Variants in BMERB1 observed in about 807,000 individuals in gnomAD.
BMERB1 encodes bMERB domain containing 1.
A neutral mutation model predicts 23.6 loss-of-function variants in BMERB1; 12 were observed. That is an observed-to-expected ratio of 0.51 (90% CI 0.33 to 0.82). The LOEUF (loss-of-function observed/expected upper bound fraction) is 0.82, where lower values mean the gene tolerates loss of function less well. Ranked by LOEUF, BMERB1 falls within the 40% of genes least tolerant of loss-of-function variation. The pLI, the probability that BMERB1 is intolerant of heterozygous loss-of-function variation, is 0.03. For missense variants in BMERB1, 247 were observed against 255.4 expected (o/e 0.97, Z 0.22); for synonymous variants, 122 against 96.6 (o/e 1.26, Z -1.54).
chr16:15,519,252 G>A (rs980875570), intron 2 of BMERB1, among the ~76,000 whole-genome samples: 40 of 152,108 alleles, frequency 2.6e-4, no homozygotes, highest in African/African-American at 2.2e-4. Context: ...TGTAATAGCC[G>A]CGGTGAGATT....
At chr16:15,445,928 CTAAAGACACACTATG>C (rs1329039116) in intron 1 of BMERB1, among the ~76,000 whole-genome samples, 3 of 152,074 alleles carry the variant, frequency 2.0e-5, no homozygotes, top group Non-Finnish European at 2.9e-5. Context: ...AAGGAACAGA[CTAAAGACACACTATG>C]TAAATGGATC....
chr16:15,587,635 C>T lies in BMERB1; in HGVS notation c.*806C>T. On this transcript the variant is annotated 3_prime_UTR_variant, in exon 6 of 6. Coordinates refer to ENST00000300006, the MANE Select transcript of BMERB1 (RefSeq NM_033201.3). ...CCCAGAGTAGATGCTGACCTGGGCA[C>T]TCCACCATTCCGGGGCCACCACAGA... 1 of 374,516 alleles carries T rather than the reference C, an allele frequency of 2.7e-6. No homozygotes were observed. Among genetic ancestry groups the T allele is most frequent in the South Asian group, 1.8e-5 (1 of 55,392 alleles). The allele number at this position is 374,516 out of a possible 1,614,324, so 23.2% of individuals were successfully genotyped here. A position where few individuals can be genotyped will look rare whatever the true frequency, so the allele number is the denominator to read the frequency against.
At chr16:15,484,608 G>C (rs1396076364) in intron 1 of BMERB1, among the ~76,000 whole-genome samples, 1 of 152,096 alleles carries the variant, frequency 6.6e-6, no homozygotes, top group Non-Finnish European at 1.5e-5. Context: ...CACCATATTG[G>C]CCAGGCTGGT....
At chr16:15,514,546 C>G (rs1171859564) in intron 1 of BMERB1, among the ~76,000 whole-genome samples, 1 of 152,164 alleles carries the variant, frequency 6.6e-6, no homozygotes, top group Non-Finnish European at 1.5e-5. Context: ...AATCCCAGCA[C>G]TTTGGGAGGT....
intron 1 of BMERB1, among the ~76,000 whole-genome samples, chr16:15,458,578 A>G (rs555682115): frequency 2.0e-5 from 3 of 151,956 alleles, no homozygotes; most frequent in African/African-American, 4.8e-5. Context: ...TTAGCTGAGT[A>G]TGGTGGTGCA....
Position 15,464,678 on chromosome 16 carries a change from C to G in BMERB1, c.106+29919C>G, listed in dbSNP as rs79640420. ...GTAACTTCCAGAAGTTGCCATGGCACTTGTAAACTGTCATAGTGCTGGTGG... is the reference window on the plus strand; with the variant it reads ...GTAACTTCCAGAAGTTGCCATGGCAGTTGTAAACTGTCATAGTGCTGGTGG... On this transcript the variant is annotated intron_variant, in intron 1 of 5. Coordinates refer to ENST00000300006, the MANE Select transcript of BMERB1 (RefSeq NM_033201.3). Among the ~76,000 whole-genome samples the G allele has an allele frequency of 2.4e-3, 358 of 152,258 alleles. 2 individuals carry two copies. Among genetic ancestry groups the G allele is most frequent in the Non-Finnish European group, 4.2e-3 (287 of 68,018 alleles).
At chr16:15,443,773 G>C (rs966317943) in intron 1 of BMERB1, among the ~76,000 whole-genome samples, 2 of 152,074 alleles carry the variant, frequency 1.3e-5, no homozygotes, top group Non-Finnish European at 2.9e-5. Flanking sequence ...CAAAAAATTA[G>C]CCAGATGTGG....
intron 2 of BMERB1, among the ~76,000 whole-genome samples, chr16:15,519,482 C>T (rs2150954572): frequency 6.6e-6 from 1 of 152,284 alleles, no homozygotes; most frequent in South Asian, 2.1e-4. Context: ...CCTCCGTCTC[C>T]TGGGTTCAAG....
At chr16:15,451,134 G>A (rs1173311356) in intron 1 of BMERB1, among the ~76,000 whole-genome samples, 1 of 152,154 alleles carries the variant, frequency 6.6e-6, no homozygotes, top group Non-Finnish European at 1.5e-5. Context: ...CTGCATCTAT[G>A]CTGCTAAAGT....
At chr16:15,550,135 T>A (rs978127772) in intron 2 of BMERB1, among the ~76,000 whole-genome samples, 7 of 152,108 alleles carry the variant, frequency 4.6e-5, no homozygotes, top group Admixed American at 3.9e-4. Flanking sequence ...GAGACAGGGT[T>A]TCACTGTGTT....
chr16:15,448,197 G>A (rs991200586), intron 1 of BMERB1, among the ~76,000 whole-genome samples: 1 of 152,148 alleles, frequency 6.6e-6, no homozygotes, highest in African/African-American at 2.4e-5. Context: ...GCCGGAAGTA[G>A]CATTTTAGGA....
chr16:15,513,905 A>G (rs945185752), intron 1 of BMERB1, among the ~76,000 whole-genome samples: 1 of 152,084 alleles, frequency 6.6e-6, no homozygotes, highest in Non-Finnish European at 1.5e-5. Context: ...AAAAAGAAAA[A>G]AAAGTGTGTC....
chr16:15,505,160 A>G (rs755618599), intron 1 of BMERB1, among the ~76,000 whole-genome samples: 1 of 152,146 alleles, frequency 6.6e-6, no homozygotes, highest in Non-Finnish European at 1.5e-5. Flanking sequence ...CAACACAGGT[A>G]TGAGGCTGAC....
At chr16:15,489,560 T>G (rs2051399593) in intron 1 of BMERB1, among the ~76,000 whole-genome samples, 1 of 152,174 alleles carries the variant, frequency 6.6e-6, no homozygotes, top group African/African-American at 2.4e-5. Flanking sequence ...ATTGAAATTT[T>G]GTTTGGGGAA....
At chr16:15,439,992 C>T (rs1271438425) in intron 1 of BMERB1, among the ~76,000 whole-genome samples, 1 of 152,032 alleles carries the variant, frequency 6.6e-6, no homozygotes, top group Non-Finnish European at 1.5e-5. Context: ...TGCCTGTAAT[C>T]CCAGCACTTT....
At position 15,537,566 on chromosome 16, in the gene BMERB1, C is replaced by G. The variant is rs564752856; in HGVS notation, c.230+22138C>G. On this transcript the variant is annotated intron_variant, in intron 2 of 5. Transcript: ENST00000300006. ...GCGGGGTTTCACCATGTTGGCCAGG[C>G]TGGTCTCGAACTCCTGTCCTCAAAT... Among the ~76,000 whole-genome samples, 5 of 151,904 alleles carry G rather than the reference C, an allele frequency of 3.3e-5. No homozygotes were observed. The South Asian group carries it at 1.0e-3, about 32-fold the overall frequency.
intron 1 of BMERB1, among the ~76,000 whole-genome samples, chr16:15,479,999 C>CATAT (rs201686556): frequency 1.4e-4 from 20 of 145,204 alleles, no homozygotes; most frequent in African/African-American, 4.6e-4. Flanking sequence ...ATATAGTTTT[C>CATAT]ATATATATAT....
intron 1 of BMERB1, among the ~76,000 whole-genome samples, chr16:15,466,580 A>G (rs181345137): frequency 2.2e-4 from 33 of 152,318 alleles, no homozygotes; most frequent in Middle Eastern, 3.4e-3. Flanking sequence ...AAGAAATAAT[A>G]CAGAGATCTA....
At chr16:15,541,423 G>GTTTTTT (rs869249451) in intron 2 of BMERB1, among the ~76,000 whole-genome samples, 1 of 92,126 alleles carries the variant, frequency 1.1e-5, no homozygotes, top group African/African-American at 5.5e-5. Context: ...CCGCCGAATT[G>GTTTTTT]TTTTTTTTTT....
Sources: gnomAD v4.1 joint callset for allele counts (sites outside exome capture counted in the v4.1 genomes callset) on GRCh38, gnomAD v4.1.1 for gene constraint, MANE v1.5 for transcripts, NCBI Gene and HGNC (gene_info 2026-07-23, HGNC 2026-07-21) for gene names.